The following IQCJ variants were observed in gnomAD, a reference collection of about 807,000 sequenced individuals.
IQCJ encodes IQ motif containing J, also known as IQ domain-containing protein J.
A neutral mutation model predicts 11.0 loss-of-function variants in IQCJ; 9 were observed. The observed-to-expected ratio is 0.82, with a 90% confidence interval of 0.49 to 1.43. The LOEUF (loss-of-function observed/expected upper bound fraction) is 1.43. IQCJ is among the 40% of genes most tolerant of loss of function. IQCJ has a pLI of 0.00. For missense variants in IQCJ, 146 were observed against 133.2 expected (o/e 1.10, Z -0.47); for synonymous variants, 55 against 51.3 (o/e 1.07, Z -0.31).
chr3:159,108,019 A>G (rs1210457544), intron 1 of IQCJ, among the ~76,000 whole-genome samples: 2 of 151,244 alleles, frequency 1.3e-5, no homozygotes, highest in Admixed American at 6.6e-5. Context: ...AAAAAAAAAA[A>G]AAAAAAGAAA....
intron 1 of IQCJ, among the ~76,000 whole-genome samples, chr3:159,160,511 T>A (rs7632462): frequency 1.7e-3 from 253 of 151,790 alleles, no homozygotes; most frequent in African/African-American, 5.8e-3. Flanking sequence ...ATTTATATTT[T>A]TATTTTTTTA....
At chr3:159,119,183 T>C (rs1719203092) in intron 1 of IQCJ, among the ~76,000 whole-genome samples, 1 of 152,220 alleles carries the variant, frequency 6.6e-6, no homozygotes, top group South Asian at 2.1e-4. Flanking sequence ...CCTACTGCAA[T>C]GTCCCCTGGT....
At chr3:159,255,981 C>T (rs1331025230) in intron 3 of IQCJ, among the ~76,000 whole-genome samples, 3 of 152,168 alleles carry the variant, frequency 2.0e-5, no homozygotes, top group African/African-American at 7.2e-5. Flanking sequence ...TGAAGGTGCA[C>T]AGCAAAGGAA....
chr3:159,150,011 A>G (rs1721118465), intron 1 of IQCJ, among the ~76,000 whole-genome samples: 1 of 152,164 alleles, frequency 6.6e-6, no homozygotes, highest in Non-Finnish European at 1.5e-5. Flanking sequence ...TAAAATGCCT[A>G]GCACTTCCCA....
chr3:159,092,745 C>T (rs1026764593), intron 1 of IQCJ, among the ~76,000 whole-genome samples: 8 of 146,134 alleles, frequency 5.5e-5, no homozygotes, highest in Non-Finnish European at 8.9e-5. Flanking sequence ...TTAGAAACAA[C>T]GGGGGGAATG....
chr3:159,191,258 A>C (rs1723670302), intron 1 of IQCJ, among the ~76,000 whole-genome samples: 1 of 152,130 alleles, frequency 6.6e-6, no homozygotes, highest in Admixed American at 6.5e-5. Context: ...TTGGAGGAGC[A>C]TGGGTTTAGG....
chr3:159,110,246 G>A (rs994624564), intron 1 of IQCJ, among the ~76,000 whole-genome samples: 1 of 152,098 alleles, frequency 6.6e-6, no homozygotes, highest in African/African-American at 2.4e-5. Flanking sequence ...AATAAAATGG[G>A]GATGAATCTC....
intron 1 of IQCJ, among the ~76,000 whole-genome samples, chr3:159,132,472 A>T (rs762674475): frequency 1.3e-5 from 2 of 152,200 alleles, no homozygotes; most frequent in Non-Finnish European, 2.9e-5. Flanking sequence ...ATGATTTTTT[A>T]TTATATAATT....
chr3:159,195,110 C>A (rs1307415891), intron 1 of IQCJ, among the ~76,000 whole-genome samples: 52 of 146,996 alleles, frequency 3.5e-4, no homozygotes, highest in African/African-American at 3.2e-4. Context: ...GACTCTGTCT[C>A]AAAAAAAAAA....
chr3:159,203,263 A>C (rs530165365), intron 1 of IQCJ, among the ~76,000 whole-genome samples: 1 of 148,580 alleles, frequency 6.7e-6, no homozygotes, highest in African/African-American at 2.5e-5. Flanking sequence ...GGATTTGAGC[A>C]TGTCAGCAGC....
intron 1 of IQCJ, among the ~76,000 whole-genome samples, chr3:159,151,930 A>G (rs1398676142): frequency 1.3e-5 from 2 of 152,196 alleles, no homozygotes; most frequent in South Asian, 4.1e-4. Context: ...CATCACACCC[A>G]GCTCAGACTA....
At chr3:159,248,767 T>C (rs1301359697) in intron 2 of IQCJ, among the ~76,000 whole-genome samples, 1 of 152,198 alleles carries the variant, frequency 6.6e-6, no homozygotes, top group Non-Finnish European at 1.5e-5. Flanking sequence ...TTCAATAATC[T>C]CCTCATGCAG....
intron 3 of IQCJ, among the ~76,000 whole-genome samples, chr3:159,260,384 G>A (rs557528471): frequency 1.3e-5 from 2 of 152,338 alleles, no homozygotes; most frequent in African/African-American, 4.8e-5. Flanking sequence ...GTCCTATAAA[G>A]TTGTGGGTGT....
chr3:159,214,478 A>T (rs79087810), intron 1 of IQCJ, among the ~76,000 whole-genome samples: 4,979 of 152,240 alleles, frequency 0.033, 256 homozygotes, highest in African/African-American at 0.11. Context: ...TAATTTAGTT[A>T]TTTGGCTTGA....
intron 1 of IQCJ, among the ~76,000 whole-genome samples, chr3:159,230,966 T>C (rs1726214092): frequency 6.6e-6 from 1 of 152,174 alleles, no homozygotes; most frequent in Non-Finnish European, 1.5e-5. Flanking sequence ...TAATTCAAAC[T>C]TTGTACTACA....
intron 3 of IQCJ, among the ~76,000 whole-genome samples, chr3:159,255,587 C>G (rs188789659): frequency 6.6e-6 from 1 of 152,124 alleles, no homozygotes; most frequent in Non-Finnish European, 1.5e-5. Flanking sequence ...AGAGGCCTGT[C>G]AGAAAGTGTG....
intron 1 of IQCJ, among the ~76,000 whole-genome samples, chr3:159,102,136 G>T (rs1229024257): frequency 6.6e-6 from 1 of 152,172 alleles, no homozygotes; most frequent in African/African-American, 2.4e-5. Flanking sequence ...CAAGAAACAG[G>T]ACTTTGAGTG....
intron 1 of IQCJ, among the ~76,000 whole-genome samples, chr3:159,077,501 A>G (rs1716004437): frequency 6.6e-6 from 1 of 152,148 alleles, no homozygotes; most frequent in Admixed American, 6.6e-5. Flanking sequence ...TATCCATGCA[A>G]TGGAATACTG....
At chr3:159,233,486 A>G (rs188634372) in intron 1 of IQCJ, among the ~76,000 whole-genome samples, 1 of 152,324 alleles carries the variant, frequency 6.6e-6, no homozygotes, top group East Asian at 1.9e-4. Flanking sequence ...ACTTAGGTTA[A>G]CATCCATGTT....
Sources: gnomAD v4.1 joint callset for allele counts (sites outside exome capture counted in the v4.1 genomes callset) on GRCh38, gnomAD v4.1.1 for gene constraint, MANE v1.5 for transcripts, NCBI Gene and HGNC (gene_info 2026-07-23, HGNC 2026-07-21) for gene names.